TNFSF10: variants seen among roughly 807,000 people sequenced by gnomAD.
The protein encoded by TNFSF10 is tumor necrosis factor ligand superfamily member 10.
Under a neutral mutation model 29.5 loss-of-function variants are expected in TNFSF10, and 13 were observed. The ratio of observed to expected loss-of-function variants is 0.44; its 90% CI spans 0.29 to 0.70. The LOEUF is 0.70. Among genes scored for constraint, TNFSF10 ranks in the 30% least tolerant of loss-of-function variants. The pLI, the probability that TNFSF10 is intolerant of heterozygous loss-of-function variation, is 0.13. For synonymous variants in TNFSF10, 111 were observed against 112.8 expected (o/e 0.98, Z 0.10); for missense variants, 345 against 330.9 (o/e 1.04, Z -0.33).
intron 1 of TNFSF10, chr3:172,517,739 A>G: frequency 4.1e-6 from 4 of 984,174 alleles, no homozygotes; most frequent in Non-Finnish European, 4.8e-6. Context: ...TTATACATGG[A>G]TAGCATGGAT....
At chr3:172,516,637 A>G (rs188372255) in intron 1 of TNFSF10, among the ~76,000 whole-genome samples, 14 of 152,368 alleles carry the variant, frequency 9.2e-5, no homozygotes, top group Non-Finnish European at 1.6e-4. Context: ...TTACAAGAGA[A>G]AAACATTCCC....
intron 4 of TNFSF10, 57 bp downstream of exon 4, chr3:172,509,160 C>A (rs1713117319): frequency 2.1e-6 from 3 of 1,444,948 alleles, no homozygotes; most frequent in Non-Finnish European, 2.9e-6. Flanking sequence ...AAATAAGTTA[C>A]TTGGCACAAT....
intron 1 of TNFSF10, among the ~76,000 whole-genome samples, chr3:172,520,188 T>TCATA (rs1251467828): frequency 6.6e-6 from 1 of 152,252 alleles, no homozygotes; most frequent in Non-Finnish European, 1.5e-5. Flanking sequence ...AATTTTGCAG[T>TCATA]CATAGTTCCA....
At chr3:172,513,112 T>C (rs1239888529) in intron 2 of TNFSF10, among the ~76,000 whole-genome samples, 2 of 152,200 alleles carry the variant, frequency 1.3e-5, no homozygotes, top group Non-Finnish European at 2.9e-5. Context: ...AGCTTCCCGC[T>C]ATTCTAGTTG....
rs931771454 is a variant in TNFSF10 at position 172,506,512 on chromosome 3, C to T, written c.826G>A (p.Gly276Arg). The stretch of plus-strand genomic sequence containing the variant: ...GTCAGTTAGCCAACTAAAAAGGCCC[C>T]AAAAAAACTGGCTTCATGGTCCATG... ...IDMDHEASFF[G>R]AFLVG Residue 276 changes from glycine to arginine, a missense_variant, in exon 5 of 5, where the codon GGG becomes AGG. Gly to Arg is a moderately radical substitution (Grantham distance 125). Transcript: ENST00000241261. 7 of 1,604,856 alleles carry T rather than the reference C, an allele frequency of 4.4e-6. No individual in the cohort carries two copies. The highest frequency in any genetic ancestry group is 3.4e-6 in the Non-Finnish European group (4 of 1,177,172).
chr3:172,522,077 C>T (rs1056496737), intron 1 of TNFSF10, among the ~76,000 whole-genome samples: 3 of 36,304 alleles, frequency 8.3e-5, no homozygotes, highest in Non-Finnish European at 1.2e-4. Flanking sequence ...AGCATTAGAA[C>T]AAATCCTAAT....
intron 4 of TNFSF10, among the ~76,000 whole-genome samples, chr3:172,508,314 CA>C (rs1713078188): frequency 6.8e-6 from 1 of 147,438 alleles, no homozygotes; most frequent in Non-Finnish European, 1.5e-5. Context: ...AAAAAAAAAA[CA>C]AAAAAATACC....
intron 3 of TNFSF10, among the ~76,000 whole-genome samples, chr3:172,510,015 T>C (rs1276611474): frequency 6.6e-6 from 1 of 151,406 alleles, no homozygotes; most frequent in Non-Finnish European, 1.5e-5. Flanking sequence ...ACAAATGACT[T>C]TCTCTAAAAG....
chr3:172,506,774 T>C lies in TNFSF10; in HGVS notation c.564A>G (p.Thr188=), dbSNP rs1190223885. ...TTATTTCCTCCTGAAATCGAAAGTA[T>C]GTTTGGGAATAGATGTAGTAAAACC... The part of the protein sequence containing the change: ...EKGFYYIYSQ[T]YFRFQEEIKE... The change falls in exon 5 of 5, where the codon ACA becomes ACG. Residue 188 remains threonine, a synonymous_variant. Coordinates refer to ENST00000241261, the MANE Select transcript of TNFSF10 (RefSeq NM_003810.4). 3 of 1,614,112 alleles carry C rather than the reference T, an allele frequency of 1.9e-6. No homozygotes were observed. In the Admixed American group the frequency reaches 5.0e-5, roughly 27 times the overall value.
intron 1 of TNFSF10, among the ~76,000 whole-genome samples, chr3:172,515,384 CA>C (rs1713387666): frequency 6.6e-6 from 1 of 152,148 alleles, no homozygotes; most frequent in Non-Finnish European, 1.5e-5. Context: ...GTATGTATCC[CA>C]TTTTGAAGCT....
intron 1 of TNFSF10, chr3:172,518,535 T>C: frequency 8.6e-7 from 1 of 1,167,222 alleles, no homozygotes; most frequent in Admixed American, 2.4e-5. Flanking sequence ...TTCCTCCCCA[T>C]CTATGATGTC....
chr3:172,506,542 T>C lies in TNFSF10; in HGVS notation c.796A>G (p.Ile266Val). 6.2e-7 allele frequency: 1 copy of C among 1,614,052 alleles called. No individual in the cohort carries two copies. Among genetic ancestry groups the C allele is most frequent in the Non-Finnish European group, 8.5e-7 (1 of 1,179,970 alleles). The stretch of plus-strand genomic sequence containing the variant: ...AAACTGGCTTCATGGTCCATGTCTA[T>C]CAAGTGCTCATTTGTTACAGAAACA... ...IFVSVTNEHL[I>V]DMDHEASFFG... Residue 266 changes from isoleucine (I) to valine (V), a missense_variant, in exon 5 of 5, where the codon ATA (isoleucine) becomes GTA (valine). By Grantham distance (29) the Ile-to-Val change is conservative. Coordinates refer to ENST00000241261, the MANE Select transcript of TNFSF10 (RefSeq NM_003810.4).
chr3:172,518,501 G>C (rs1010671309), intron 1 of TNFSF10: 1 of 1,275,276 alleles, frequency 7.8e-7, no homozygotes, highest in East Asian at 5.6e-5. Flanking sequence ...ATGGAGATCC[G>C]TGGAGAGGAA....
At chr3:172,515,869 A>AG in intron 1 of TNFSF10, among the ~76,000 whole-genome samples, 1 of 148,990 alleles carries the variant, frequency 6.7e-6, no homozygotes, top group Admixed American at 6.6e-5. Flanking sequence ...CAAAGCCAGA[A>AG]GGGTTTTGTT....
At position 172,506,915 on chromosome 3, in the gene TNFSF10, G is replaced by A; in HGVS notation, c.423C>T (p.Ser141=). 6.3e-7 allele frequency: 1 copy of A among 1,585,252 alleles called. No individual in the cohort carries two copies. Among genetic ancestry groups the A allele is most frequent in the African/African-American group, 1.4e-5 (1 of 73,432 alleles). Residue 141 remains serine (S), a synonymous_variant, in exon 5 of 5, where the codon TCC becomes TCT. Transcript: ENST00000241261. ...GRSNTLSSPN[S]KNEKALGRKI... Reference sequence around the variant, plus strand: ...TGCGGCCCAGAGCCTTTTCATTCTTGGAGTCTGTAGGAAATTTAGAGAGAA... The same window carrying A: ...TGCGGCCCAGAGCCTTTTCATTCTTAGAGTCTGTAGGAAATTTAGAGAGAA...
chr3:172,513,351 A>G (rs1413699296), intron 2 of TNFSF10, among the ~76,000 whole-genome samples: 1 of 152,156 alleles, frequency 6.6e-6, no homozygotes, highest in Admixed American at 6.5e-5. Context: ...CAGCTTCCTC[A>G]GGACCTTTCT....
chr3:172,510,301 G>A (rs1041729207), intron 3 of TNFSF10, among the ~76,000 whole-genome samples: 88 of 152,104 alleles, frequency 5.8e-4, no homozygotes, highest in African/African-American at 2.0e-3. Context: ...ATAAAAAATA[G>A]AAAAATCAGC....
rs371383389 is a variant in TNFSF10 at position 172,514,824 on chromosome 3, C to G, written c.270+37G>C. The G allele has an allele frequency of 8.5e-5, 137 of 1,610,130 alleles. No homozygotes were observed. In the African/African-American group the frequency reaches 1.6e-3, roughly 19 times the overall value. On this transcript the variant is annotated intron_variant, in intron 2 of 4. Coordinates refer to ENST00000241261, the MANE Select transcript of TNFSF10 (RefSeq NM_003810.4). ...CTTTAAGGAATTCTTCTGGCCTTCTCCGCCTGCTGGTGAGGTCACCTGGTG... is the reference window on the plus strand; with the variant it reads ...CTTTAAGGAATTCTTCTGGCCTTCTGCGCCTGCTGGTGAGGTCACCTGGTG...
intron 4 of TNFSF10, among the ~76,000 whole-genome samples, chr3:172,508,728 A>G (rs1713096767): frequency 6.6e-6 from 1 of 152,134 alleles, no homozygotes; most frequent in Non-Finnish European, 1.5e-5. Context: ...CATCTCTACT[A>G]AAAATACAAA....
Sources: allele counts gnomAD v4.1 joint callset (sites outside exome capture counted in the v4.1 genomes callset), GRCh38; gene constraint gnomAD v4.1.1; transcripts MANE v1.5; gene names NCBI Gene and HGNC (gene_info 2026-07-23, HGNC 2026-07-21).